LIMCH1: variants seen among roughly 807,000 people sequenced by gnomAD.
The protein encoded by LIMCH1 is LIM and calponin homology domains-containing protein 1.
LIMCH1 carries 113 observed loss-of-function variants against 176.5 expected under a neutral mutation model. The observed-to-expected ratio is 0.64, with a 90% CI of 0.55 to 0.75. The LOEUF (loss-of-function observed/expected upper bound fraction) is 0.75, where lower values mean the gene tolerates loss of function less well. LIMCH1 is among the 30% of genes least tolerant of loss of function. LIMCH1 has a pLI of 0.00. For synonymous variants in LIMCH1, 619 were observed against 645.9 expected, an observed-to-expected ratio of 0.96 and a Z score of 0.63; for missense variants, 1,674 against 1,814.9, an observed-to-expected ratio of 0.92 and a Z score of 1.41.
At chr4:41,579,549 G>A (rs1023371359) in intron 1 of LIMCH1, among the ~76,000 whole-genome samples, 3 of 152,168 alleles carry the variant, frequency 2.0e-5, no homozygotes, top group Admixed American at 6.5e-5. Flanking sequence ...GACGGTCATC[G>A]TTAATGTAAC....
chr4:41,530,851 C>G (rs1234598887), intron 3 of LIMCH1, among the ~76,000 whole-genome samples: 2 of 99,950 alleles, frequency 2.0e-5, no homozygotes, highest in Non-Finnish European at 3.7e-5. Flanking sequence ...GGCCAGGAAG[C>G]AGGCAAGGCA....
At chr4:41,601,460 A>G (rs902861019) in intron 2 of LIMCH1, among the ~76,000 whole-genome samples, 1 of 152,160 alleles carries the variant, frequency 6.6e-6, no homozygotes, top group African/African-American at 2.4e-5. Flanking sequence ...TGGGGCATTC[A>G]GGACAGAGAA....
chr4:41,474,464 GC>G (rs1415186250), intron 1 of LIMCH1, among the ~76,000 whole-genome samples: 1 of 152,206 alleles, frequency 6.6e-6, no homozygotes, highest in Non-Finnish European at 1.5e-5. Context: ...TCCAGCCTGG[GC>G]GACAGAGTGA....
intron 1 of LIMCH1, among the ~76,000 whole-genome samples, chr4:41,432,085 A>G (rs1222902320): frequency 1.3e-5 from 2 of 152,220 alleles, no homozygotes; most frequent in South Asian, 2.1e-4. Context: ...ATACTTAGTA[A>G]GATTAGCACT....
chr4:41,370,865 C>T (rs1264100401), intron 1 of LIMCH1, among the ~76,000 whole-genome samples: 1 of 152,158 alleles, frequency 6.6e-6, no homozygotes, highest in Non-Finnish European at 1.5e-5. Flanking sequence ...TAAGATACTT[C>T]TCAAGCAAGC....
intron 2 of LIMCH1, among the ~76,000 whole-genome samples, chr4:41,504,544 A>G (rs1306530341): frequency 6.6e-6 from 1 of 152,252 alleles, no homozygotes; most frequent in Non-Finnish European, 1.5e-5. Context: ...GAGCAACCCC[A>G]TACTCACCTT....
chr4:41,647,881 T>C, intron 17 of LIMCH1, among the ~76,000 whole-genome samples: 1 of 152,256 alleles, frequency 6.6e-6, no homozygotes, highest in East Asian at 1.9e-4. Context: ...CTGGATCACA[T>C]TGAGCTGTTT....
At chr4:41,498,596 G>T (rs2072637126) in intron 2 of LIMCH1, among the ~76,000 whole-genome samples, 1 of 152,196 alleles carries the variant, frequency 6.6e-6, no homozygotes, top group South Asian at 2.1e-4. Flanking sequence ...CCACAAATAT[G>T]TGACAAATGT....
intron 18 of LIMCH1, among the ~76,000 whole-genome samples, chr4:41,654,854 T>C (rs2094419649): frequency 6.6e-6 from 1 of 152,166 alleles, no homozygotes; most frequent in African/African-American, 2.4e-5. Context: ...TGCCCCCAAT[T>C]ATCCCTGAGA....
chr4:41,411,295 G>A (rs2059455749), intron 1 of LIMCH1, among the ~76,000 whole-genome samples: 1 of 152,232 alleles, frequency 6.6e-6, no homozygotes, highest in African/African-American at 2.4e-5. Context: ...TGCTTGCATG[G>A]CATTCTATCT....
chr4:41,635,101 A>G (rs2093513124), intron 13 of LIMCH1, among the ~76,000 whole-genome samples: 1 of 152,234 alleles, frequency 6.6e-6, no homozygotes, highest in Non-Finnish European at 1.5e-5. Context: ...TGAGGTCCAC[A>G]TGTACACAGC....
intron 5 of LIMCH1, among the ~76,000 whole-genome samples, chr4:41,614,857 G>C (rs760676020): frequency 1.2e-4 from 19 of 152,196 alleles, no homozygotes; most frequent in Admixed American, 7.2e-4. Flanking sequence ...TTAGCTTTAA[G>C]AAGTGTGAAT....
intron 2 of LIMCH1, among the ~76,000 whole-genome samples, chr4:41,494,759 CG>C (rs1308951504): frequency 1.3e-5 from 2 of 152,116 alleles, no homozygotes; most frequent in Non-Finnish European, 2.9e-5. Context: ...AAACACAAGT[CG>C]GTGTGGGAGC....
chr4:41,481,033 T>C (rs1020147438), intron 1 of LIMCH1, among the ~76,000 whole-genome samples: 3 of 152,156 alleles, frequency 2.0e-5, no homozygotes, highest in Admixed American at 6.5e-5. Flanking sequence ...TTTTTTTTTT[T>C]TGTAGACTCT....
rs558258849 is a variant in LIMCH1 at position 41,420,343 on chromosome 4, A to G, written c.96+59407A>G. On this transcript the variant is annotated intron_variant, in intron 1 of 26. Transcript: ENST00000313860. ...AAAAAGGTTCCCACCCCCATTTTTC[A>G]TGCCTGTTGAAGTATTCATCATATC... is the stretch of plus-strand genomic sequence containing the variant. 1.1e-4 allele frequency among the ~76,000 whole-genome samples: 16 copies of G among 152,292 alleles called. No individual in the cohort carries two copies. The South Asian group carries it at 3.3e-3, about 32-fold the overall frequency.
At chr4:41,409,035 C>T (rs889237715) in intron 1 of LIMCH1, among the ~76,000 whole-genome samples, 3 of 152,280 alleles carry the variant, frequency 2.0e-5, no homozygotes, top group Admixed American at 1.3e-4. Context: ...CTCATCCTGA[C>T]TCGCTGTGTA....
intron 3 of LIMCH1, among the ~76,000 whole-genome samples, chr4:41,527,117 A>C (rs1326407441): frequency 6.6e-6 from 1 of 152,244 alleles, no homozygotes; most frequent in African/African-American, 2.4e-5. Flanking sequence ...TAAAGATCTA[A>C]TGCAAAACAG....
At chr4:41,563,165 C>T (rs552300616) in intron 1 of LIMCH1, among the ~76,000 whole-genome samples, 21 of 152,140 alleles carry the variant, frequency 1.4e-4, no homozygotes, top group Admixed American at 1.2e-3. Context: ...TCTGTGCCAT[C>T]ACCGACCAGC....
chr4:41,469,347 A>G (rs996426711), intron 1 of LIMCH1, among the ~76,000 whole-genome samples: 1 of 152,200 alleles, frequency 6.6e-6, no homozygotes. Flanking sequence ...ATGCTGGTCT[A>G]TTTGCTGCCT....
Sources: allele counts gnomAD v4.1 joint callset (sites outside exome capture counted in the v4.1 genomes callset), GRCh38; gene constraint gnomAD v4.1.1; transcripts MANE v1.5; gene names NCBI Gene and HGNC (gene_info 2026-07-23, HGNC 2026-07-21).